ARHGAP15: variants seen among roughly 807,000 people sequenced by gnomAD.
The protein encoded by ARHGAP15 is rho GTPase-activating protein 15.
In ARHGAP15, 51 loss-of-function variants were observed where a neutral mutation model predicts 63.7. The observed-to-expected ratio is 0.80, with a 90% CI of 0.64 to 1.01. The LOEUF is 1.01. ARHGAP15 is among the 50% of genes least tolerant of loss of function. The pLI is 0.00. For synonymous variants in ARHGAP15, 191 were observed against 193.8 expected (o/e 0.99, Z 0.12); for missense variants, 560 against 564.6 (o/e 0.99, Z 0.08).
chr2:143,517,320 A>G (rs1346886476), intron 9 of ARHGAP15, among the ~76,000 whole-genome samples: 1 of 152,184 alleles, frequency 6.6e-6, no homozygotes. Flanking sequence ...TCAAACCATT[A>G]TGTTTTCCTA....
At chr2:143,344,224 T>C (rs968255239) in intron 6 of ARHGAP15, 1 of 152,082 alleles carries the variant, frequency 6.6e-6, no homozygotes, top group African/African-American at 2.4e-5. Flanking sequence ...TAACCCTGAG[T>C]AGAAAAGTAG....
intron 5 of ARHGAP15, chr2:143,247,450 T>C (rs1051835529): frequency 6.6e-6 from 1 of 152,258 alleles, no homozygotes; most frequent in Non-Finnish European, 1.5e-5. Context: ...TGGCTCTGGG[T>C]CTCGTCTTTG....
intron 12 of ARHGAP15, among the ~76,000 whole-genome samples, chr2:143,673,369 C>G (rs1187374791): frequency 6.6e-6 from 1 of 152,114 alleles, no homozygotes; most frequent in Non-Finnish European, 1.5e-5. Flanking sequence ...ATGAGCTCGG[C>G]TCACTGCAAC....
chr2:143,750,544 CT>C (rs1686333776), intron 13 of ARHGAP15, among the ~76,000 whole-genome samples: 1 of 152,176 alleles, frequency 6.6e-6, no homozygotes, highest in South Asian at 2.1e-4. Flanking sequence ...ATTAACTTCA[CT>C]TTCTAAATGA....
chr2:143,508,250 C>T (rs1693411808), intron 9 of ARHGAP15, among the ~76,000 whole-genome samples: 1 of 152,208 alleles, frequency 6.6e-6, no homozygotes, highest in Admixed American at 6.5e-5. Flanking sequence ...CAGCTTTATA[C>T]ACTTGCTGCT....
intron 6 of ARHGAP15, among the ~76,000 whole-genome samples, chr2:143,379,480 C>CATAT (rs758477926): frequency 0.018 from 1,735 of 97,662 alleles, 29 homozygotes; most frequent in African/African-American, 0.053. Flanking sequence ...GGTTTTTAGG[C>CATAT]ATATATATGT....
chr2:143,363,769 A>C (rs1301110086), intron 6 of ARHGAP15, among the ~76,000 whole-genome samples: 1 of 152,168 alleles, frequency 6.6e-6, no homozygotes, highest in East Asian at 1.9e-4. Context: ...TATCGTCTCC[A>C]AACTCACCAA....
chr2:143,558,471 A>G (rs1354561685), intron 11 of ARHGAP15, among the ~76,000 whole-genome samples: 2 of 152,178 alleles, frequency 1.3e-5, no homozygotes, highest in Non-Finnish European at 2.9e-5. Context: ...CTATTATAAG[A>G]CCCATAGATT....
At chr2:143,221,822 C>T (rs7593373) in intron 4 of ARHGAP15, among the ~76,000 whole-genome samples, 25,943 of 151,932 alleles carry the variant, frequency 0.17, 2,417 homozygotes, top group Middle Eastern at 0.24. Flanking sequence ...AAGATGGCTA[C>T]GAAAAGAAAT....
chr2:143,423,051 T>G (rs1237651761), intron 6 of ARHGAP15, among the ~76,000 whole-genome samples: 1 of 152,044 alleles, frequency 6.6e-6, no homozygotes, highest in Non-Finnish European at 1.5e-5. Flanking sequence ...CAGAGAAGCA[T>G]CTGTTGAGTT....
At chr2:143,211,223 T>C (rs1177378193) in intron 3 of ARHGAP15, among the ~76,000 whole-genome samples, 1 of 150,644 alleles carries the variant, frequency 6.6e-6, no homozygotes, top group Non-Finnish European at 1.5e-5. Context: ...AGCAATGAGT[T>C]CCAAAGAGAA....
At chr2:143,744,787 A>G (rs1007553349) in intron 13 of ARHGAP15, among the ~76,000 whole-genome samples, 1 of 152,172 alleles carries the variant, frequency 6.6e-6, no homozygotes, top group Non-Finnish European at 1.5e-5. Context: ...TCCACCTACA[A>G]CCATGGAAAG....
At chr2:143,368,728 G>A (rs1343804589) in intron 6 of ARHGAP15, among the ~76,000 whole-genome samples, 1 of 152,084 alleles carries the variant, frequency 6.6e-6, no homozygotes, top group Admixed American at 6.6e-5. Flanking sequence ...TAGGCGTGGG[G>A]GCAGAAGAAA....
chr2:143,213,395 C>G (rs868250321), intron 3 of ARHGAP15, among the ~76,000 whole-genome samples: 3 of 152,084 alleles, frequency 2.0e-5, no homozygotes, highest in South Asian at 2.1e-4. Context: ...TGCCTGTAAT[C>G]CCAGCTACTC....
At chr2:143,708,023 A>T (rs781095160) in intron 13 of ARHGAP15, among the ~76,000 whole-genome samples, 1 of 152,136 alleles carries the variant, frequency 6.6e-6, no homozygotes, top group Non-Finnish European at 1.5e-5. Context: ...GTATAGGAGG[A>T]GACATTGAAG....
At chr2:143,392,682 AT>A (rs1435282313) in intron 6 of ARHGAP15, among the ~76,000 whole-genome samples, 1 of 152,188 alleles carries the variant, frequency 6.6e-6, no homozygotes, top group Non-Finnish European at 1.5e-5. Flanking sequence ...TGGATGAGGT[AT>A]TGAAGAAACA....
chr2:143,549,962 A>C (rs956393233), intron 10 of ARHGAP15, among the ~76,000 whole-genome samples: 6 of 152,168 alleles, frequency 3.9e-5, no homozygotes, highest in Non-Finnish European at 7.4e-5. Context: ...CCACTGTTTA[A>C]TCAGTCTCAA....
chr2:143,581,761 C>T (rs923351935), intron 11 of ARHGAP15, among the ~76,000 whole-genome samples: 2 of 152,258 alleles, frequency 1.3e-5, no homozygotes, highest in African/African-American at 4.8e-5. Flanking sequence ...CACATTCTGT[C>T]GCTATTCTCC....
rs869266541 is a variant in ARHGAP15, at chr2:143,606,035, C to CAAAAAAAAAAAAAA, written c.1004-18076_1004-18063dup. Among the ~76,000 whole-genome samples, 50 of 22,870 alleles carry CAAAAAAAAAAAAAA rather than the reference C, an allele frequency of 2.2e-3. 7 individuals carry two copies. The highest frequency in any genetic ancestry group is 2.8e-3 in the Non-Finnish European group (40 of 14,376). 15.0% of individuals were successfully genotyped at this position (22,870 alleles called of 152,430 possible). On this transcript the variant is annotated intron_variant, in intron 11 of 13. Transcript: ENST00000295095. ...TGGGCGCCAGAGCAAGACTCTGTCT[C>CAAAAAAAAAAAAAA]AAAAAAAAAAAAAAAAAAAAAAAAA...
Sources: gnomAD v4.1 joint callset for allele counts (sites outside exome capture counted in the v4.1 genomes callset) on GRCh38, gnomAD v4.1.1 for gene constraint, MANE v1.5 for transcripts, NCBI Gene and HGNC (gene_info 2026-07-23, HGNC 2026-07-21) for gene names.